Variants in PCNX2 observed in about 807,000 individuals in gnomAD.
PCNX2 encodes pecanex-like protein 2.
A neutral mutation model predicts 223.8 loss-of-function variants in PCNX2; 168 were observed. That is an observed-to-expected ratio of 0.75 (90% confidence interval 0.66 to 0.85). PCNX2 has a LOEUF of 0.85. Among genes scored for constraint, PCNX2 ranks in the 40% least tolerant of loss-of-function variants. The probability of loss-of-function intolerance (pLI) is 0.00; values close to 1 mark genes in which losing one functional copy is unlikely to be tolerated. For missense variants in PCNX2, 2,507 were observed against 2,675.5 expected, an observed-to-expected ratio of 0.94 and a Z score of 1.39; for synonymous variants, 1,006 against 1,052.6, an observed-to-expected ratio of 0.96 and a Z score of 0.86.
intron 12 of PCNX2, among the ~76,000 whole-genome samples, chr1:233,214,702 T>A (rs1382279306): frequency 6.6e-6 from 1 of 152,180 alleles, no homozygotes; most frequent in Non-Finnish European, 1.5e-5. Flanking sequence ...TATATTGCCA[T>A]CTCTGATCCT....
At chr1:233,010,615 A>T (rs1670432418) in intron 28 of PCNX2, among the ~76,000 whole-genome samples, 1 of 152,210 alleles carries the variant, frequency 6.6e-6, no homozygotes, top group Admixed American at 6.5e-5. Flanking sequence ...CTACTAAAAC[A>T]TCCCATTATA....
rs569745163 is a variant in PCNX2, at chr1:233,141,551, AG to A, written c.3518-1697del. Among the ~76,000 whole-genome samples, 578 of 152,284 alleles carry A rather than the reference AG, an allele frequency of 3.8e-3. 2 individuals are homozygous for A. The highest frequency in any genetic ancestry group is 0.013 in the African/African-American group (558 of 41,578). On this transcript the variant is annotated intron_variant, in intron 19 of 33. Coordinates refer to ENST00000258229, the MANE Select transcript of PCNX2 (RefSeq NM_014801.4). ...CATGGTGGCATGTGCCTGTAATCCC[AG>A]ATATCCTGGAGGCTGAGGCAGGAGA...
At chr1:233,168,657 C>T (rs1678946679) in intron 17 of PCNX2, among the ~76,000 whole-genome samples, 1 of 152,074 alleles carries the variant, frequency 6.6e-6, no homozygotes, top group Non-Finnish European at 1.5e-5. Context: ...ATGAATTATG[C>T]TGAAATCATT....
At chr1:233,123,875 T>A (rs192102154) in intron 21 of PCNX2, among the ~76,000 whole-genome samples, 4 of 152,224 alleles carry the variant, frequency 2.6e-5, no homozygotes, top group Non-Finnish European at 5.9e-5. Flanking sequence ...AAAGACCATA[T>A]AGTCATTCTG....
At chr1:233,273,338 G>A (rs539137376) in intron 1 of PCNX2, among the ~76,000 whole-genome samples, 4 of 152,132 alleles carry the variant, frequency 2.6e-5, no homozygotes, top group African/African-American at 9.6e-5. Context: ...CATGGAAGGA[G>A]CAGTGGCCAC....
rs188846024 is a variant in PCNX2 at position 233,133,162 on chromosome 1, G to A, written c.3837+1851C>T. Among the ~76,000 whole-genome samples the A allele has an allele frequency of 2.8e-4, 43 of 152,148 alleles. 2 individuals are homozygous for A. The East Asian group carries it at 7.7e-3, about 27-fold the overall frequency. Reference sequence around the variant, plus strand: ...AATCTGCCCATCTCAGCCTCCCAAAGTGCTAGGATTACAGGCGTGAGCCAC... The same window carrying A: ...AATCTGCCCATCTCAGCCTCCCAAAATGCTAGGATTACAGGCGTGAGCCAC... On this transcript the variant is annotated intron_variant, in intron 21 of 33. Coordinates refer to ENST00000258229, the MANE Select transcript of PCNX2 (RefSeq NM_014801.4).
chr1:233,142,897 C>T (rs1405262351), intron 19 of PCNX2, among the ~76,000 whole-genome samples: 1 of 152,142 alleles, frequency 6.6e-6, no homozygotes, highest in Non-Finnish European at 1.5e-5. Context: ...CTCTACTCTT[C>T]TCCCATTTCC....
chr1:233,074,909 T>C (rs938377384), intron 23 of PCNX2, among the ~76,000 whole-genome samples: 12 of 152,124 alleles, frequency 7.9e-5, no homozygotes, highest in Non-Finnish European at 1.5e-4. Context: ...CAATAAAAAA[T>C]AGTGAAAACA....
chr1:233,034,209 C>T (rs1671367901), intron 25 of PCNX2, among the ~76,000 whole-genome samples: 4 of 152,006 alleles, frequency 2.6e-5, no homozygotes, highest in South Asian at 2.1e-4. Context: ...AGAATCCGTC[C>T]CAAAAACAAA....
At position 233,000,271 on chromosome 1, in the gene PCNX2, C is replaced by T; in HGVS notation, c.5328+34G>A. 6.3e-7 allele frequency: 1 copy of T among 1,597,296 alleles called. No homozygotes were observed. Among genetic ancestry groups the T allele is most frequent in the South Asian group, 1.1e-5 (1 of 90,616 alleles). On this transcript the variant is annotated intron_variant, in intron 30 of 33. Coordinates refer to ENST00000258229, the MANE Select transcript of PCNX2 (RefSeq NM_014801.4). This position sits in a 1 kb window ranked among gnomAD's most constrained non-coding sequence, Gnocchi z 4.6. ...TTCTTCTCAGATAGAGAGACACGAG[C>T]CAACAGGGGACCCAGAAAGTGTGGC...
At chr1:233,127,232 T>C (rs1471240005) in intron 21 of PCNX2, among the ~76,000 whole-genome samples, 3 of 152,170 alleles carry the variant, frequency 2.0e-5, no homozygotes, top group Non-Finnish European at 1.5e-5. Flanking sequence ...GCTGGGTCCT[T>C]CGAGATCCAT....
At chr1:233,257,903 C>T in intron 5 of PCNX2, 125 bp downstream of exon 5, 1 of 1,301,710 alleles carries the variant, frequency 7.7e-7, no homozygotes, top group Non-Finnish European at 1.0e-6. Flanking sequence ...ATGAGAAAGC[C>T]AAGCAACAAA....
At chr1:233,074,594 CAAAAAAAAAAAA>C (rs531631109) in intron 23 of PCNX2, among the ~76,000 whole-genome samples, 6 of 47,708 alleles carry the variant, frequency 1.3e-4, no homozygotes, top group East Asian at 3.3e-3. Flanking sequence ...GACTCCGTCT[CAAAAAAAAAAAA>C]AAAAAAAAAA....
intron 25 of PCNX2, among the ~76,000 whole-genome samples, chr1:233,039,276 C>G (rs181346798): frequency 7.2e-5 from 11 of 152,234 alleles, no homozygotes; most frequent in African/African-American, 2.2e-4. Flanking sequence ...CCCTCTCAAG[C>G]AGGGAGTCTA....
chr1:233,126,606 A>AG lies in PCNX2; in HGVS notation c.3837+8406dup, dbSNP rs1676114353. On this transcript the variant is annotated intron_variant, in intron 21 of 33. Transcript: ENST00000258229. This position sits in a 1 kb window ranked among gnomAD's most constrained non-coding sequence, Gnocchi z 4.8. ...CAATAGTTATCCATAGGAAGAGGTT[A>AG]GGGTTAAGCAGACAGAGATATGCAT... Among the ~76,000 whole-genome samples, 1 of 152,134 alleles carries AG rather than the reference A, an allele frequency of 6.6e-6. No homozygotes were observed. The highest frequency in any genetic ancestry group is 1.5e-5 in the Non-Finnish European group (1 of 68,014).
chr1:233,037,083 A>G (rs1021839398), intron 25 of PCNX2, among the ~76,000 whole-genome samples: 2 of 152,216 alleles, frequency 1.3e-5, no homozygotes, highest in African/African-American at 4.8e-5. Context: ...GACATTTCCT[A>G]TTCCCTAAGT....
chr1:233,075,670 T>G (rs534987941), intron 23 of PCNX2, among the ~76,000 whole-genome samples: 1 of 151,046 alleles, frequency 6.6e-6, no homozygotes, highest in Admixed American at 6.6e-5. Context: ...TTCATTCAAC[T>G]GCATTTGAAT....
intron 25 of PCNX2, among the ~76,000 whole-genome samples, chr1:233,051,306 T>C (rs1671994891): frequency 1.3e-5 from 2 of 152,140 alleles, no homozygotes; most frequent in African/African-American, 4.8e-5. Flanking sequence ...GCACTTTAAA[T>C]CAGAACTACC....
At chr1:233,262,668 T>G (rs956809991) in intron 2 of PCNX2, among the ~76,000 whole-genome samples, 1 of 152,124 alleles carries the variant, frequency 6.6e-6, no homozygotes, top group African/African-American at 2.4e-5. Context: ...AATAACAACA[T>G]TAAAAGCAGT....
Sources: gnomAD v4.1 joint callset for allele counts (sites outside exome capture counted in the v4.1 genomes callset) on GRCh38, gnomAD v4.1.1 for gene constraint, Gnocchi (gnomAD v3.1) non-coding constraint, MANE v1.5 for transcripts, NCBI Gene and HGNC (gene_info 2026-07-23, HGNC 2026-07-21) for gene names.